Variants in RBFOX3 observed in about 807,000 individuals in gnomAD.
RBFOX3 encodes the protein RNA binding protein fox-1 homolog 3.
RBFOX3 carries 17 observed loss-of-function variants against 48.7 expected under a neutral mutation model. The ratio of observed to expected loss-of-function variants is 0.35; its 90% CI spans 0.24 to 0.52. The LOEUF is 0.52. Among genes scored for constraint, RBFOX3 ranks in the 20% least tolerant of loss-of-function variants. The pLI, the probability that RBFOX3 is intolerant of heterozygous loss-of-function variation, is 0.94. For missense variants in RBFOX3, 382 were observed against 497.5 expected (o/e 0.77, Z 2.21); for synonymous variants, 212 against 209.5 (o/e 1.01, Z -0.10).
chr17:79,420,175 A>ACACACACACACACACACAC (rs1555721370), intron 2 of RBFOX3, among the ~76,000 whole-genome samples: 1 of 71,774 alleles, frequency 1.4e-5, no homozygotes, highest in African/African-American at 4.9e-5. Flanking sequence ...ACACACACAC[A>ACACACACACACACACACAC]AAAGATGGTT....
intron 4 of RBFOX3, among the ~76,000 whole-genome samples, chr17:79,145,273 T>A (rs2042794129): frequency 6.6e-6 from 1 of 152,180 alleles, no homozygotes; most frequent in Non-Finnish European, 1.5e-5. Context: ...TTGCAGAGAT[T>A]CTGACTCAGT....
chr17:79,639,080 A>T, the RBFOX3 span, among the ~76,000 whole-genome samples: 2 of 152,372 alleles, frequency 1.3e-5, no homozygotes, highest in South Asian at 2.1e-4. Context: ...TATATGGAAC[A>T]ATCAAAGAAC....
At chr17:79,599,859 C>CGGGCAGG (rs1438693019) in intron 1 of RBFOX3, 1 of 152,204 alleles carries the variant, frequency 6.6e-6, no homozygotes, top group East Asian at 1.9e-4. Context: ...CAGACGATGG[C>CGGGCAGG]GGGCAGGGGG....
intron 3 of RBFOX3, among the ~76,000 whole-genome samples, chr17:79,275,787 G>T (rs772190627): frequency 1.1e-4 from 16 of 152,188 alleles, no homozygotes; most frequent in African/African-American, 3.1e-4. Flanking sequence ...GGAGGCCCTC[G>T]GGCTGGGCTT....
intron 4 of RBFOX3, chr17:79,132,878 A>G (rs926352539): frequency 2.0e-5 from 3 of 152,254 alleles, no homozygotes; most frequent in African/African-American, 7.2e-5. Context: ...GGGAGCAGGA[A>G]CCCTCTTCTC....
At chr17:79,618,815 T>C in the RBFOX3 span, among the ~76,000 whole-genome samples, 1 of 152,192 alleles carries the variant, frequency 6.6e-6, no homozygotes, top group Non-Finnish European at 1.5e-5. Flanking sequence ...CTCAATATCC[T>C]GCATCTCCCT....
intron 4 of RBFOX3, among the ~76,000 whole-genome samples, chr17:79,202,825 T>C (rs2056964341): frequency 1.3e-5 from 2 of 152,240 alleles, no homozygotes; most frequent in Non-Finnish European, 1.5e-5. Flanking sequence ...TGCACTATCA[T>C]GCCTGGTGGT....
chr17:79,541,930 C>T (rs1270325552), intron 1 of RBFOX3, among the ~76,000 whole-genome samples: 1 of 152,142 alleles, frequency 6.6e-6, no homozygotes. Flanking sequence ...GAGCACGGGG[C>T]TCCTCCAGGG....
At chr17:79,518,874 AAATTGTTTT>A (rs2085642450) in intron 1 of RBFOX3, among the ~76,000 whole-genome samples, 1 of 152,238 alleles carries the variant, frequency 6.6e-6, no homozygotes, top group Non-Finnish European at 1.5e-5. Context: ...ACAATTTGGA[AAATTGTTTT>A]CCCGTCGTAG....
chr17:79,169,445 A>C (rs1383453010), intron 4 of RBFOX3, among the ~76,000 whole-genome samples: 1 of 152,112 alleles, frequency 6.6e-6, no homozygotes, highest in Non-Finnish European at 1.5e-5. Flanking sequence ...TGCTCCCACA[A>C]GACCCCTCTA....
In RBFOX3 at chr17:79,502,409, G is replaced by A. The variant is rs1367966265; in HGVS notation, c.-319-19811C>T. Among the ~76,000 whole-genome samples the A allele has an allele frequency of 4.6e-5, 7 of 152,222 alleles. No homozygotes were observed. The East Asian group carries it at 1.4e-3, about 29-fold the overall frequency. ...GGAGACAGTTTCCATGGGGAAAAAT[G>A]ACAAAGTTCTACAGATGGAAGGTGG... On this transcript the variant is annotated intron_variant, in intron 1 of 14. Coordinates refer to ENST00000693108, the MANE Select transcript of RBFOX3 (RefSeq NM_001350451.2).
rs1043668658 is a variant in RBFOX3 at position 79,571,531 on chromosome 17, C to T, written c.-320+39295G>A. Among the ~76,000 whole-genome samples the T allele has an allele frequency of 1.4e-3, 195 of 136,876 alleles. 2 individuals carry two copies. The highest frequency in any genetic ancestry group is 5.0e-3 in the African/African-American group (190 of 37,918). The allele number at this position is 136,876 out of a possible 152,430, so 89.8% of individuals were successfully genotyped here. ...TCCCCACTCCCACCCCCCGCCCCCC[C>T]AACCACTCTCTTCCATCACAGAAAT... On this transcript the variant is annotated intron_variant, in intron 1 of 14. Coordinates refer to ENST00000693108, the MANE Select transcript of RBFOX3 (RefSeq NM_001350451.2).
chr17:79,608,673 C>A (rs2093894637), intron 1 of RBFOX3, among the ~76,000 whole-genome samples: 1 of 152,218 alleles, frequency 6.6e-6, no homozygotes, highest in South Asian at 2.1e-4. Context: ...GTGGTCCCCA[C>A]GTCACCCGCT....
In RBFOX3 at chr17:79,198,257, C is replaced by T. The variant is rs138468067; in HGVS notation, c.-34+37509G>A. 1.5e-3 allele frequency among the ~76,000 whole-genome samples: 221 copies of T among 152,320 alleles called. 1 individual carries two copies. The highest frequency in any genetic ancestry group is 5.2e-3 in the African/African-American group (215 of 41,570). On this transcript the variant is annotated intron_variant, in intron 4 of 14. Transcript: ENST00000693108. This position sits in a 1 kb window ranked among gnomAD's most constrained non-coding sequence, Gnocchi z 8.2. ...GGGTGACAACCGCCTCTGGCCAGCC[C>T]TCTGCCCTCGCCCCTGCCCTGCACC...
At chr17:79,464,688 G>T (rs2076079285) in intron 2 of RBFOX3, among the ~76,000 whole-genome samples, 1 of 152,272 alleles carries the variant, frequency 6.6e-6, no homozygotes, top group African/African-American at 2.4e-5. Context: ...ATACATTTCT[G>T]CCACTGCTGG....
intron 2 of RBFOX3, among the ~76,000 whole-genome samples, chr17:79,308,298 G>A (rs534653209): frequency 2.3e-4 from 35 of 152,368 alleles, no homozygotes; most frequent in Non-Finnish European, 4.4e-4. Flanking sequence ...AACGGCCGGC[G>A]TGGGTTGAGC....
At chr17:79,172,998 C>G (rs1432724447) in intron 4 of RBFOX3, among the ~76,000 whole-genome samples, 8 of 152,276 alleles carry the variant, frequency 5.3e-5, no homozygotes, top group South Asian at 4.1e-4. Context: ...CACCTGAGGT[C>G]AGGAGTTTGA....
intron 1 of RBFOX3, among the ~76,000 whole-genome samples, chr17:79,511,856 C>A (rs1258450722): frequency 1.3e-5 from 2 of 150,126 alleles, no homozygotes; most frequent in Non-Finnish European, 3.0e-5. Flanking sequence ...AGCCCCATGG[C>A]CAGGGGACAC....
chr17:79,240,495 A>G (rs1346105745), intron 3 of RBFOX3, among the ~76,000 whole-genome samples: 1 of 152,228 alleles, frequency 6.6e-6, no homozygotes, highest in Non-Finnish European at 1.5e-5. Flanking sequence ...ATTTCTTAGC[A>G]GTGGCCATCA....
Sources: allele counts gnomAD v4.1 joint callset (sites outside exome capture counted in the v4.1 genomes callset), GRCh38; gene constraint gnomAD v4.1.1; non-coding constraint Gnocchi (gnomAD v3.1); transcripts MANE v1.5; gene names NCBI Gene and HGNC (gene_info 2026-07-23, HGNC 2026-07-21).